Variants in ATCAY observed in about 807,000 individuals in gnomAD.
The protein encoded by ATCAY is ATCAY kinesin light chain interacting caytaxin.
A neutral mutation model predicts 47.7 loss-of-function variants in ATCAY; 22 were observed. The ratio of observed to expected loss-of-function variants is 0.46; its 90% CI spans 0.33 to 0.66. The LOEUF is 0.66. Among genes scored for constraint, ATCAY ranks in the 30% least tolerant of loss-of-function variants. ATCAY has a pLI of 0.02. For missense variants in ATCAY, 452 were observed against 515.0 expected, an observed-to-expected ratio of 0.88 and a Z score of 1.18; for synonymous variants, 216 against 207.6, an observed-to-expected ratio of 1.04 and a Z score of -0.35.
At chr19:3,892,153 G>T (rs867300768) in intron 2 of ATCAY, among the ~76,000 whole-genome samples, 2 of 151,282 alleles carry the variant, frequency 1.3e-5, no homozygotes, top group Non-Finnish European at 2.9e-5. Flanking sequence ...GCTTCCCAAA[G>T]TGCTGGGATT....
intron 1 of ATCAY, among the ~76,000 whole-genome samples, chr19:3,884,956 C>T (rs2038634971): frequency 6.6e-6 from 1 of 151,202 alleles, no homozygotes; most frequent in African/African-American, 2.4e-5. Context: ...AAAAAATTAC[C>T]CAGGCATGAT....
At position 3,925,788 on chromosome 19, in the gene ATCAY, C is replaced by T. The variant is rs2039061729; in HGVS notation, c.*1196C>T. 1 of 152,210 alleles carries T rather than the reference C, an allele frequency of 6.6e-6. No individual in the cohort carries two copies. Among genetic ancestry groups the T allele is most frequent in the Admixed American group, 6.6e-5 (1 of 15,258 alleles). 9.4% of individuals were successfully genotyped at this position (152,210 alleles called of 1,614,324 possible). A position where few individuals can be genotyped will look rare whatever the true frequency, so the allele number is the denominator to read the frequency against. ...TTGGGAGGCCGAGGCAGGCGGATCA[C>T]CTGAGGTGAGGAGTTTGAGAACAGC... On this transcript the variant is annotated 3_prime_UTR_variant, in exon 13 of 13. Transcript: ENST00000450849. This position sits in a 1 kb window ranked among gnomAD's most constrained non-coding sequence, Gnocchi z 4.4.
At chr19:3,905,003 G>A (rs2038847794) in intron 3 of ATCAY, among the ~76,000 whole-genome samples, 2 of 152,078 alleles carry the variant, frequency 1.3e-5, no homozygotes, top group African/African-American at 4.8e-5. Context: ...GGGATTACAG[G>A]CGCCACCACT....
chr19:3,919,076 G>A lies in ATCAY; in HGVS notation c.1073+199G>A, dbSNP rs555348431. Among the ~76,000 whole-genome samples, 10 of 151,972 alleles carry A rather than the reference G, an allele frequency of 6.6e-5. No homozygotes were observed. In the East Asian group the frequency reaches 1.6e-3, roughly 24 times the overall value. On this transcript the variant is annotated intron_variant, in intron 11 of 12. Coordinates refer to ENST00000450849, the MANE Select transcript of ATCAY (RefSeq NM_033064.5). Reference sequence around the variant, plus strand: ...GCAGATCACATGAGGTCAGGAGTTCGAGACCAGCCTGGCCAGCATGGTGAA... The same window carrying A: ...GCAGATCACATGAGGTCAGGAGTTCAAGACCAGCCTGGCCAGCATGGTGAA...
At chr19:3,884,290 A>C (rs1292942120) in intron 1 of ATCAY, among the ~76,000 whole-genome samples, 1 of 151,974 alleles carries the variant, frequency 6.6e-6, no homozygotes, top group Non-Finnish European at 1.5e-5. Flanking sequence ...CCGTCTCTAA[A>C]TAAATAAATA....
At chr19:3,919,647 A>G (rs1468365448) in intron 11 of ATCAY, among the ~76,000 whole-genome samples, 1 of 151,938 alleles carries the variant, frequency 6.6e-6, no homozygotes, top group Admixed American at 6.6e-5. Flanking sequence ...CCTCTAGTCC[A>G]GCTACTCAGA....
intron 12 of ATCAY, among the ~76,000 whole-genome samples, chr19:3,921,303 G>C (rs2039017396): frequency 6.6e-6 from 1 of 151,468 alleles, no homozygotes; most frequent in Non-Finnish European, 1.5e-5. Context: ...TTGAGGTCAG[G>C]AGTTCAAGAC....
In ATCAY at chr19:3,887,647, C is replaced by T. The variant is rs567112176; in HGVS notation, c.77+1803C>T. On this transcript the variant is annotated intron_variant, in intron 2 of 12. Transcript: ENST00000450849. ...GACTACGGGCACCCGCCACCACGCC[C>T]GGCTAATTTTTTGTATTTTTAGTAG... 4.6e-5 allele frequency among the ~76,000 whole-genome samples: 7 copies of T among 150,598 alleles called. No homozygotes were observed. The East Asian group carries it at 1.0e-3, about 22-fold the overall frequency.
chr19:3,900,888 C>T (rs1271682364), intron 2 of ATCAY, among the ~76,000 whole-genome samples: 1 of 142,276 alleles, frequency 7.0e-6, no homozygotes, highest in Non-Finnish European at 1.5e-5. Context: ...ACAGAGTTAT[C>T]CTTCATCTTT....
chr19:3,900,623 G>T (rs1365290556), intron 2 of ATCAY, among the ~76,000 whole-genome samples: 1 of 151,910 alleles, frequency 6.6e-6, no homozygotes, highest in African/African-American at 2.4e-5. Flanking sequence ...TGCAACCTCC[G>T]CCTCCCGGGT....
intron 2 of ATCAY, among the ~76,000 whole-genome samples, chr19:3,898,248 A>C (rs1237310986): frequency 6.6e-6 from 1 of 151,706 alleles, no homozygotes; most frequent in Admixed American, 6.6e-5. Flanking sequence ...GCAGTGGTGC[A>C]ATCATAGCTC....
intron 1 of ATCAY, among the ~76,000 whole-genome samples, chr19:3,882,122 G>A (rs1177682164): frequency 1.3e-5 from 2 of 152,074 alleles, no homozygotes; most frequent in Non-Finnish European, 2.9e-5. Flanking sequence ...CTATGCTGGG[G>A]GGCTGCAGGT....
chr19:3,917,287 T>TA lies in ATCAY; in HGVS notation c.966-447dup, dbSNP rs553572373. On this transcript the variant is annotated intron_variant, in intron 9 of 12. Coordinates refer to ENST00000450849, the MANE Select transcript of ATCAY (RefSeq NM_033064.5). ...GGCTATGACAGAATGAGAACCTGTC[T>TA]AAAAAAAAGAGAAGAGGCCGGGCGC... is the stretch of plus-strand genomic sequence containing the variant. Among the ~76,000 whole-genome samples, 657 of 148,134 alleles carry TA rather than the reference T, an allele frequency of 4.4e-3. 5 individuals carry two copies. Among genetic ancestry groups the TA allele is most frequent in the South Asian group, 0.013 (61 of 4,632 alleles).
Position 3,908,276 on chromosome 19 carries a change from G to A in ATCAY, c.553G>A (p.Gly185Ser), listed in dbSNP as rs375143281. 184 of 1,575,352 alleles carry A rather than the reference G, an allele frequency of 1.2e-4. No homozygotes were observed. The highest frequency in any genetic ancestry group is 1.7e-4 in the Admixed American group (9 of 54,140). ...CGGCTGCCTCTCCTCAGGGTACTAC[G>A]GCGAAGGCCTCAACGCCATCATCGT... ...MKVVTHGGYY[G>S]EGLNAIIVFA... Residue 185 changes from glycine (G) to serine (S), a missense_variant, in exon 6 of 13, where the codon GGC (glycine) becomes AGC (serine). Transcript: ENST00000450849.
chr19:3,907,165 G>A lies in ATCAY; in HGVS notation c.359-569G>A, dbSNP rs1019461119. Reference sequence around the variant, plus strand: ...AAAAGAAAGAAAAAAAAAAATTAAGGACAATGTAGTGGCTCATTCCTGTAA... The same window carrying A: ...AAAAGAAAGAAAAAAAAAAATTAAGAACAATGTAGTGGCTCATTCCTGTAA... On this transcript the variant is annotated intron_variant, in intron 4 of 12. Coordinates refer to ENST00000450849, the MANE Select transcript of ATCAY (RefSeq NM_033064.5). The surrounding 1 kb of genome is among the most constrained non-coding windows in gnomAD (Gnocchi z 5.1). Among the ~76,000 whole-genome samples the A allele has an allele frequency of 4.0e-5, 6 of 151,200 alleles. No homozygotes were observed. The highest frequency in any genetic ancestry group is 8.8e-5 in the Non-Finnish European group (6 of 67,834).
intron 12 of ATCAY, among the ~76,000 whole-genome samples, chr19:3,922,890 G>A (rs1387110320): frequency 3.3e-5 from 5 of 152,082 alleles, no homozygotes; most frequent in South Asian, 4.1e-4. Flanking sequence ...GACTACAGGC[G>A]TCTGCCACCA....
At position 3,924,906 on chromosome 19, in the gene ATCAY, G is replaced by A; in HGVS notation, c.*314G>A. The A allele has an allele frequency of 2.7e-6, 1 of 364,584 alleles. No homozygotes were observed. The highest frequency in any genetic ancestry group is 5.1e-6 in the Non-Finnish European group (1 of 197,182). 22.6% of individuals were successfully genotyped at this position (364,584 alleles called of 1,614,324 possible). On this transcript the variant is annotated 3_prime_UTR_variant, in exon 13 of 13. Coordinates refer to ENST00000450849, the MANE Select transcript of ATCAY (RefSeq NM_033064.5). ...GCAGGGGGTGGCCCGCGTGGCGTCG[G>A]TGGCCTCCGCTCCTGCTCGCAGCCT... is the stretch of plus-strand genomic sequence containing the variant.
rs1276461871 is a variant in ATCAY, at chr19:3,924,964, C to T, written c.*372C>T. On this transcript the variant is annotated 3_prime_UTR_variant, in exon 13 of 13. Transcript: ENST00000450849. ...CAGAGCTGGATACAAGATTCAAGAC[C>T]CTTCTCTTGCTTGTCACCCGCTCCA... The T allele has an allele frequency of 5.1e-6, 1 of 196,458 alleles. No homozygotes were observed. The highest frequency in any genetic ancestry group is 1.0e-5 in the Non-Finnish European group (1 of 95,598). The allele number at this position is 196,458 out of a possible 1,614,324, so 12.2% of individuals were successfully genotyped here.
intron 9 of ATCAY, among the ~76,000 whole-genome samples, chr19:3,915,233 C>T (rs1266422067): frequency 2.6e-5 from 4 of 151,942 alleles, no homozygotes; most frequent in East Asian, 1.9e-4. Flanking sequence ...AGTGCAATGG[C>T]GCCATCTCGG....
Sources: allele counts gnomAD v4.1 joint callset (sites outside exome capture counted in the v4.1 genomes callset), GRCh38; gene constraint gnomAD v4.1.1; non-coding constraint Gnocchi (gnomAD v3.1); transcripts MANE v1.5; gene names NCBI Gene and HGNC (gene_info 2026-07-23, HGNC 2026-07-21).